DHX57: variants seen among roughly 807,000 people sequenced by gnomAD.
The protein encoded by DHX57 is putative ATP-dependent RNA helicase DHX57.
A neutral mutation model predicts 156.2 loss-of-function variants in DHX57; 105 were observed. The ratio of observed to expected loss-of-function variants is 0.67; its 90% CI spans 0.57 to 0.79. The LOEUF is 0.79. Among genes scored for constraint, DHX57 ranks in the 30% least tolerant of loss-of-function variants. The pLI, the probability that DHX57 is intolerant of heterozygous loss-of-function variation, is 0.00. For synonymous variants in DHX57, 704 were observed against 595.6 expected (o/e 1.18, Z -2.65); for missense variants, 1,847 against 1,661.9 (o/e 1.11, Z -1.94).
At chr2:38,857,548 C>A (rs1396232506) in intron 6 of DHX57, among the ~76,000 whole-genome samples, 2 of 152,070 alleles carry the variant, frequency 1.3e-5, no homozygotes, top group Admixed American at 6.6e-5. Flanking sequence ...TTGTGATGTT[C>A]TTTGGGTATT....
At chr2:38,858,003 G>A (rs1309258341) in intron 6 of DHX57, among the ~76,000 whole-genome samples, 1 of 152,206 alleles carries the variant, frequency 6.6e-6, no homozygotes, top group Non-Finnish European at 1.5e-5. Context: ...AAGTAGCTGA[G>A]ACTACAGGCA....
At chr2:38,849,372 A>G (rs1488500298) in intron 9 of DHX57, among the ~76,000 whole-genome samples, 2 of 152,154 alleles carry the variant, frequency 1.3e-5, no homozygotes, top group African/African-American at 4.8e-5. Context: ...GCCCCCTTGC[A>G]ATCTGTTCTC....
At chr2:38,858,172 G>T (rs938635320) in intron 6 of DHX57, among the ~76,000 whole-genome samples, 3 of 152,082 alleles carry the variant, frequency 2.0e-5, no homozygotes, top group African/African-American at 7.2e-5. Flanking sequence ...AGCAATTCTT[G>T]TGCCTCAGCC....
Position 38,862,229 on chromosome 2 carries a change from G to A in DHX57, c.488C>T (p.Pro163Leu). The change falls in exon 4 of 24, where the codon CCT becomes CTT. Residue 163 changes from proline to leucine, a missense_variant. Coordinates refer to ENST00000457308, the MANE Select transcript of DHX57 (RefSeq NM_198963.3). ...QEPSLVPDLD[P>L]LEYAGLASVE... ...TGAGGCTAAGCCAGCATATTCCAAAGGATCCAAGTCGGGAACGAGGGAAGG... is the reference window on the plus strand; with the variant it reads ...TGAGGCTAAGCCAGCATATTCCAAAAGATCCAAGTCGGGAACGAGGGAAGG... 3 of 1,613,996 alleles carry A rather than the reference G, an allele frequency of 1.9e-6. No homozygotes were observed. The highest frequency in any genetic ancestry group is 2.5e-6 in the Non-Finnish European group (3 of 1,179,926).
intron 13 of DHX57, among the ~76,000 whole-genome samples, chr2:38,831,791 A>G (rs1311839854): frequency 3.3e-5 from 5 of 149,938 alleles, no homozygotes; most frequent in African/African-American, 1.2e-4. Flanking sequence ...CGGGAGGCGG[A>G]GGTTGCAGTG....
chr2:38,866,164 C>G (rs1335076435), intron 2 of DHX57, among the ~76,000 whole-genome samples: 1 of 152,200 alleles, frequency 6.6e-6, no homozygotes, highest in Non-Finnish European at 1.5e-5. Flanking sequence ...GATAATATCA[C>G]ACACCCTTGC....
chr2:38,860,145 G>A (rs1306338805), intron 5 of DHX57, among the ~76,000 whole-genome samples: 3 of 151,854 alleles, frequency 2.0e-5, no homozygotes. Flanking sequence ...GGGCTTACTT[G>A]TGGTGTAAGA....
chr2:38,862,072 G>A, intron 4 of DHX57, 73 bp downstream of exon 4: 1 of 1,471,494 alleles, frequency 6.8e-7, no homozygotes, highest in Non-Finnish European at 9.1e-7. Context: ...TACACAAAGA[G>A]GGGTAGTGGG....
chr2:38,811,419 A>C (rs1572626045), intron 21 of DHX57: 1 of 591,622 alleles, frequency 1.7e-6, no homozygotes, highest in East Asian at 3.5e-5. Context: ...AGGAGGTAGC[A>C]GTCCTCATAC....
chr2:38,847,175 C>T lies in DHX57; in HGVS notation c.2165-102G>A, dbSNP rs1007440481. On this transcript the variant is annotated intron_variant, in intron 10 of 23. Coordinates refer to ENST00000457308, the MANE Select transcript of DHX57 (RefSeq NM_198963.3). ...ATTCTCTTAAAGCTTGTCATGCTAA[C>T]GTCCTATTTGTTCTGTGGTCTTAAA... 5.7e-5 allele frequency: 53 copies of T among 922,854 alleles called. No individual in the cohort carries two copies. The East Asian group carries it at 7.2e-4, about 12-fold the overall frequency. 57.2% of individuals were successfully genotyped at this position (922,854 alleles called of 1,614,324 possible).
intron 1 of DHX57, among the ~76,000 whole-genome samples, chr2:38,871,930 G>C (rs952943061): frequency 6.6e-6 from 1 of 151,940 alleles, no homozygotes; most frequent in Admixed American, 6.6e-5. Context: ...GGATGGTCTC[G>C]ATCTCTTGAC....
At chr2:38,818,760 C>T (rs1302260043) in intron 19 of DHX57, 117 bp downstream of exon 19, 17 of 1,211,038 alleles carry the variant, frequency 1.4e-5, no homozygotes, top group Non-Finnish European at 1.6e-5. Context: ...TAAGGCCAAA[C>T]ATATTCCAGA....
intron 1 of DHX57, among the ~76,000 whole-genome samples, chr2:38,870,227 C>A (rs567979027): frequency 1.3e-5 from 2 of 151,898 alleles, no homozygotes; most frequent in African/African-American, 4.8e-5. Context: ...GGGACACCAT[C>A]AAGGGTACCA....
In DHX57 at chr2:38,862,326, G is replaced by C. The variant is rs775770626; in HGVS notation, c.391C>G (p.Leu131Val). 1 of 1,568,402 alleles carries C rather than the reference G, an allele frequency of 6.4e-7. No homozygotes were observed. The highest frequency in any genetic ancestry group is 1.8e-5 in the Admixed American group (1 of 55,554). ...TCATCATCTTCCTCCTCCCCAGAAAGGCCTCTTCTAGCAAAGGCAACATTT... is the reference window on the plus strand; with the variant it reads ...TCATCATCTTCCTCCTCCCCAGAAACGCCTCTTCTAGCAAAGGCAACATTT... ...QDADAGSERG[L>V]SGEEEDDEPD... is the part of the protein sequence containing the mutation. Residue 131 changes from leucine to valine, a missense_variant, in exon 4 of 24, where the codon CTT (leucine) becomes GTT (valine). Physicochemically the swap from Leu to Val is conservative, Grantham distance 32. Coordinates refer to ENST00000457308, the MANE Select transcript of DHX57 (RefSeq NM_198963.3).
intron 14 of DHX57, among the ~76,000 whole-genome samples, chr2:38,827,133 A>AAAAATAAAAT (rs55993145): frequency 0.017 from 2,544 of 147,412 alleles, 49 homozygotes; most frequent in African/African-American, 0.049. Flanking sequence ...CTCCGTCTCG[A>AAAAATAAAAT]AAAATAAAAT....
chr2:38,847,108 G>A (rs766972055), intron 10 of DHX57, 35 bp from the exon 11 acceptor site: 30 of 1,534,254 alleles, frequency 2.0e-5, no homozygotes, highest in Non-Finnish European at 2.5e-5. Flanking sequence ...GAAAGCCTGA[G>A]AACACCCATT....
At chr2:38,858,028 C>G (rs559431969) in intron 6 of DHX57, among the ~76,000 whole-genome samples, 57 of 152,256 alleles carry the variant, frequency 3.7e-4, no homozygotes, top group Middle Eastern at 3.4e-3. Context: ...TTACCACGCC[C>G]GCCTGGCTCT....
intron 9 of DHX57, among the ~76,000 whole-genome samples, chr2:38,852,139 T>G (rs934344706): frequency 6.6e-6 from 1 of 151,922 alleles, no homozygotes; most frequent in Non-Finnish European, 1.5e-5. Context: ...ATAATAGTAA[T>G]GTATTATTTC....
At chr2:38,813,204 C>T (rs148082434) in intron 21 of DHX57, among the ~76,000 whole-genome samples, 1 of 151,962 alleles carries the variant, frequency 6.6e-6, no homozygotes, top group East Asian at 1.9e-4. Flanking sequence ...ATCAAGTTTC[C>T]AACTAACATA....
Sources: allele counts gnomAD v4.1 joint callset (sites outside exome capture counted in the v4.1 genomes callset), GRCh38; gene constraint gnomAD v4.1.1; transcripts MANE v1.5; gene names NCBI Gene and HGNC (gene_info 2026-07-23, HGNC 2026-07-21).